The following CFAP92 variants were observed in gnomAD, a reference collection of about 807,000 sequenced individuals.
CFAP92 encodes the protein cilia and flagella associated protein 92 (putative).
In CFAP92, 86 loss-of-function variants were observed where a neutral mutation model predicts 106.3. The observed-to-expected ratio is 0.81, with a 90% CI of 0.68 to 0.97. CFAP92 has a LOEUF of 0.97. Among genes scored for constraint, CFAP92 ranks in the 50% least tolerant of loss-of-function variants. The probability of loss-of-function intolerance (pLI) is 0.00; values close to 1 mark genes in which losing one functional copy is unlikely to be tolerated. For missense variants in CFAP92, 1,204 were observed against 1,283.8 expected, an observed-to-expected ratio of 0.94 and a Z score of 0.95; for synonymous variants, 477 against 506.4, an observed-to-expected ratio of 0.94 and a Z score of 0.78.
chr3:129,009,874 T>G, the CFAP92 span, among the ~76,000 whole-genome samples: 1 of 152,174 alleles, frequency 6.6e-6, no homozygotes, highest in Admixed American at 6.5e-5. Context: ...GGGGACTCTG[T>G]AACCTCGCCA....
chr3:128,962,291 C>G (rs988993855), intron 9 of CFAP92, among the ~76,000 whole-genome samples: 13 of 152,180 alleles, frequency 8.5e-5, no homozygotes, highest in Non-Finnish European at 1.8e-4. Context: ...GCTACCCACT[C>G]CACATTACCT....
intron 7 of CFAP92, among the ~76,000 whole-genome samples, chr3:128,972,288 C>G (rs1942859466): frequency 6.6e-6 from 1 of 151,708 alleles, no homozygotes; most frequent in African/African-American, 2.4e-5. Flanking sequence ...GTTGCCCAGG[C>G]TGGAGTGCAA....
chr3:129,019,208 C>T, the CFAP92 span, among the ~76,000 whole-genome samples: 1 of 152,202 alleles, frequency 6.6e-6, no homozygotes, highest in Non-Finnish European at 1.5e-5. Flanking sequence ...AGTGGTCCTC[C>T]GTTCCTAGGT....
chr3:128,929,555 G>A (rs1254864144), intron 12 of CFAP92, among the ~76,000 whole-genome samples: 1 of 152,130 alleles, frequency 6.6e-6, no homozygotes, highest in Non-Finnish European at 1.5e-5. Context: ...GATAAATGTG[G>A]TACATCAATT....
At chr3:128,977,129 G>A in intron 5 of CFAP92, 63 bp from the exon 6 acceptor site, 1 of 1,298,460 alleles carries the variant, frequency 7.7e-7, no homozygotes, top group East Asian at 2.3e-5. Context: ...AGAAATGAGG[G>A]CCCCTGACCC....
At chr3:129,011,693 G>C in the CFAP92 span, among the ~76,000 whole-genome samples, 2 of 152,178 alleles carry the variant, frequency 1.3e-5, no homozygotes, top group African/African-American at 4.8e-5. Flanking sequence ...TCTCTGTCGA[G>C]GTGGCTGATC....
intron 7 of CFAP92, among the ~76,000 whole-genome samples, chr3:128,973,605 G>A (rs930911772): frequency 6.6e-6 from 1 of 151,330 alleles, no homozygotes; most frequent in Non-Finnish European, 1.5e-5. Flanking sequence ...GTGGTGAGCC[G>A]AGATCGCGCC....
At chr3:128,975,939 G>C (rs1347831715) in intron 6 of CFAP92, 36 bp from the exon 7 acceptor site, 1 of 1,569,314 alleles carries the variant, frequency 6.4e-7, no homozygotes, top group East Asian at 2.3e-5. Flanking sequence ...TAATGAAGGT[G>C]AAAAAAATCA....
At chr3:128,993,004 T>C (rs1344744551) in intron 2 of CFAP92, 39 bp downstream of exon 2, 14 of 1,607,872 alleles carry the variant, frequency 8.7e-6, no homozygotes, top group African/African-American at 2.7e-5. Flanking sequence ...ATGCACCTCC[T>C]TTTTTCAGAG....
chr3:128,953,387 C>T (rs35551231), intron 9 of CFAP92, among the ~76,000 whole-genome samples: 45,419 of 151,474 alleles, frequency 0.3, 7,072 homozygotes, highest in East Asian at 0.56. Flanking sequence ...TGGTGGTGGG[C>T]GCCTGTAGTC....
intron 3 of CFAP92, 70 bp downstream of exon 3, chr3:128,988,658 C>A: frequency 4.7e-6 from 7 of 1,495,380 alleles, no homozygotes; most frequent in Non-Finnish European, 5.5e-6. Flanking sequence ...TGTTGCATAT[C>A]CATGGAGCAG....
At chr3:128,972,005 GACAGACGAGAAAGCCCAGGA>G (rs889956415) in intron 7 of CFAP92, among the ~76,000 whole-genome samples, 1 of 152,176 alleles carries the variant, frequency 6.6e-6, no homozygotes, top group African/African-American at 2.4e-5. Flanking sequence ...AGACCAATGG[GACAGACGAGAAAGCCCAGGA>G]ACAGACCCAA....
chr3:129,001,985 G>A (rs1219591945), intron 1 of CFAP92: 3 of 1,545,568 alleles, frequency 1.9e-6, no homozygotes, highest in East Asian at 2.5e-5. Context: ...AGTTGGCCAC[G>A]GACGGGGACT....
At chr3:128,961,870 C>T (rs1375800124) in intron 9 of CFAP92, among the ~76,000 whole-genome samples, 2 of 152,176 alleles carry the variant, frequency 1.3e-5, no homozygotes, top group Non-Finnish European at 1.5e-5. Context: ...AATTCCTTGC[C>T]TCCACTGTGA....
intron 1 of CFAP92, chr3:129,001,839 G>A (rs1944778015): frequency 6.5e-7 from 1 of 1,545,584 alleles, no homozygotes; most frequent in Non-Finnish European, 8.7e-7. Flanking sequence ...CTGCCGCGGC[G>A]CCGGCCGTCT....
At chr3:128,942,996 T>C (rs948052112) in intron 10 of CFAP92, among the ~76,000 whole-genome samples, 3 of 139,730 alleles carry the variant, frequency 2.1e-5, no homozygotes, top group Non-Finnish European at 4.6e-5. Flanking sequence ...TCTCACTCAC[T>C]GCAACCTCCA....
chr3:129,002,348 G>A, intron 1 of CFAP92: 1 of 1,510,078 alleles, frequency 6.6e-7, no homozygotes, highest in South Asian at 1.2e-5. Flanking sequence ...ACGAAGGGAG[G>A]GTGGTAACGC....
At chr3:128,979,104 A>G (rs1002945092) in intron 4 of CFAP92, among the ~76,000 whole-genome samples, 6 of 151,376 alleles carry the variant, frequency 4.0e-5, no homozygotes, top group African/African-American at 1.4e-4. Flanking sequence ...CAAATTTACA[A>G]GAAAAAAACA....
At chr3:128,994,169 G>C, upstream of CFAP92, 1 of 985,298 alleles carries the variant, frequency 1.0e-6, no homozygotes, top group South Asian at 4.7e-5. Flanking sequence ...GTGCGGCCTG[G>C]GGGCGGGGCT....
Sources: allele counts gnomAD v4.1 joint callset (sites outside exome capture counted in the v4.1 genomes callset), GRCh38; gene constraint gnomAD v4.1.1; transcripts MANE v1.5; gene names NCBI Gene and HGNC (gene_info 2026-07-23, HGNC 2026-07-21).